ARAP3: variants seen among roughly 807,000 people sequenced by gnomAD.
The protein encoded by ARAP3 is ArfGAP with RhoGAP domain, ankyrin repeat and PH domain 3, also known as arf-GAP with Rho-GAP domain, ANK repeat and PH domain-containing protein 3.
In ARAP3, 82 loss-of-function variants were observed where a neutral mutation model predicts 169.2. That is an observed-to-expected ratio of 0.48 (90% confidence interval 0.41 to 0.58). ARAP3 has a LOEUF of 0.58. Among genes scored for constraint, ARAP3 ranks in the 20% least tolerant of loss-of-function variants. ARAP3 has a pLI of 0.00. For synonymous variants in ARAP3, 791 were observed against 800.3 expected (o/e 0.99, Z 0.20); for missense variants, 1,764 against 2,018.0 (o/e 0.87, Z 2.41).
At chr5:141,664,870 TCACCCCCACCCCC>T in intron 19 of ARAP3, 39 bp downstream of exon 19, 25 of 345,546 alleles carry the variant, frequency 7.2e-5, no homozygotes, top group Non-Finnish European at 1.4e-4. Flanking sequence ...CACCCCCTCA[TCACCCCCACCCCC>T]CACCCCCATT....
intron 4 of ARAP3, among the ~76,000 whole-genome samples, chr5:141,679,106 T>C (rs925250407): frequency 3.9e-5 from 6 of 152,068 alleles, no homozygotes; most frequent in Non-Finnish European, 1.5e-5. Flanking sequence ...CTGGCCAACA[T>C]GGCGAAACCC....
At chr5:141,665,756 C>T (rs578137132) in intron 17 of ARAP3, among the ~76,000 whole-genome samples, 26 of 152,064 alleles carry the variant, frequency 1.7e-4, no homozygotes, top group Admixed American at 2.0e-4. Flanking sequence ...ATAGACCGGG[C>T]GCAGTGGCTC....
In ARAP3 at chr5:141,680,091, GCTGGGCT is replaced by G. The variant is rs1457132359; in HGVS notation, c.389_395del (p.Glu130AlafsTer18). 1 of 1,613,552 alleles carries G rather than the reference GCTGGGCT, an allele frequency of 6.2e-7. No individual in the cohort carries two copies. Among genetic ancestry groups the G allele is most frequent in the African/African-American group, 1.3e-5 (1 of 74,894 alleles). ...AAGTGGGGAGAGGAGGAGGCCTTGGGCTGGGCTCTGGGCTCCTGGACACTCCTGGTCC... is the reference window on the plus strand; with the variant it reads ...AAGTGGGGAGAGGAGGAGGCCTTGGGCTGGGCTCCTGGACACTCCTGGTCC... On this transcript the variant is annotated frameshift_variant, in exon 2 of 33. Transcript: ENST00000239440. LOFTEE classifies it high-confidence loss of function.
At position 141,665,378 on chromosome 5, in the gene ARAP3, G is replaced by A. The variant is rs374754073; in HGVS notation, c.2573-4C>T. On this transcript the variant is annotated splice_region_variant and splice_polypyrimidine_tract_variant and intron_variant, in intron 17 of 32. Coordinates refer to ENST00000239440, the MANE Select transcript of ARAP3 (RefSeq NM_022481.6). The stretch of plus-strand genomic sequence containing the variant: ...GTGTCAGCTGCAGAAACCACACCTG[G>A]GAGGAGAATCAGTGGACATTTTCAT... 13 of 1,613,928 alleles carry A rather than the reference G, an allele frequency of 8.1e-6. No homozygotes were observed. The highest frequency in any genetic ancestry group is 3.3e-5 in the Admixed American group (2 of 59,998).
At position 141,670,518 on chromosome 5, in the gene ARAP3, G is replaced by A. The variant is rs775720602; in HGVS notation, c.2101C>T (p.Arg701Trp). ...TCCCTTGGCTCCCCCTCACCATCCC[G>A]GCCCCTGCGAGGGGGTGAGGGTCCA... ...KAGPSPPRRGRDAPPRLWCVL... is the reference protein window; with the variant it reads ...KAGPSPPRRGWDAPPRLWCVL... The change falls in exon 14 of 33, where the codon CGG (arginine) becomes TGG (tryptophan). Residue 701 changes from arginine (R) to tryptophan (W), a missense_variant. Physicochemically the swap from Arg to Trp is moderately radical, Grantham distance 101 (BLOSUM62 -3). This residue lies in a region of ARAP3 where 1,112 missense variants were observed against 1,285.7 expected (regional missense o/e 0.86). Coordinates refer to ENST00000239440, the MANE Select transcript of ARAP3 (RefSeq NM_022481.6). The A allele has an allele frequency of 3.3e-5, 54 of 1,613,584 alleles. No homozygotes were observed. The highest frequency in any genetic ancestry group is 6.7e-5 in the Admixed American group (4 of 59,982).
In ARAP3 at chr5:141,656,231, A is replaced by G; in HGVS notation, c.3835T>C (p.Tyr1279His). 6.2e-7 allele frequency: 1 copy of G among 1,614,176 alleles called. No individual in the cohort carries two copies. The highest frequency in any genetic ancestry group is 8.5e-7 in the Non-Finnish European group (1 of 1,180,036). ...REWPLEGAKVYLGIRKKLKPP... is the reference protein window; with the variant it reads ...REWPLEGAKVHLGIRKKLKPP... ...TTTAACTTCTTGCGGATTCCCAGGTAGACCTTGGCACCTTCCAAAGGCCAC... is the reference window on the plus strand; with the variant it reads ...TTTAACTTCTTGCGGATTCCCAGGTGGACCTTGGCACCTTCCAAAGGCCAC... Residue 1279 changes from tyrosine to histidine, a missense_variant, in exon 28 of 33, where the codon TAC (tyrosine) becomes CAC (histidine). By Grantham distance (83) the Tyr-to-His change is moderately conservative. This residue lies in a region of ARAP3 where 1,112 missense variants were observed against 1,285.7 expected (regional missense o/e 0.86). Transcript: ENST00000239440.
chr5:141,670,584 A>G lies in ARAP3; in HGVS notation c.2035T>C (p.Tyr679His), dbSNP rs2099911286. 1 of 1,614,074 alleles carries G rather than the reference A, an allele frequency of 6.2e-7. No individual in the cohort carries two copies. Among genetic ancestry groups the G allele is most frequent in the African/African-American group, 1.3e-5 (1 of 75,020 alleles). Residue 679 changes from tyrosine to histidine, a missense_variant, in exon 14 of 33, where the codon TAC becomes CAC. This residue lies in a region of ARAP3 where 1,112 missense variants were observed against 1,285.7 expected (regional missense o/e 0.86). Coordinates refer to ENST00000239440, the MANE Select transcript of ARAP3 (RefSeq NM_022481.6). The part of the protein sequence containing the change: ...VYNEVVVRAT[Y>H]SGFLYCSPVS... The stretch of plus-strand genomic sequence containing the variant: ...GGACTGCAGTACAGGAAGCCGCTGT[A>G]AGTAGCACGCACCACCACCTCATTG...
rs2099910423 is a variant in ARAP3, at chr5:141,664,800, C to G, written c.2800+122G>C. ...ACCAGCTGGGGTCCAGCTGCAGTTT[C>G]TGGAGGCAAAGCTCTTCCAGGCTGT... On this transcript the variant is annotated intron_variant, in intron 19 of 32. Coordinates refer to ENST00000239440, the MANE Select transcript of ARAP3 (RefSeq NM_022481.6). The G allele has an allele frequency of 4.0e-6, 5 of 1,260,636 alleles. No individual in the cohort carries two copies. In the South Asian group the frequency reaches 7.4e-5, roughly 19 times the overall value. 78.1% of individuals were successfully genotyped at this position (1,260,636 alleles called of 1,614,324 possible).
At chr5:141,655,324 G>T (rs777293917) in intron 32 of ARAP3, 38 bp downstream of exon 32, 2 of 1,562,198 alleles carry the variant, frequency 1.3e-6, no homozygotes, top group Non-Finnish European at 1.7e-6. Context: ...GGAATACAGG[G>T]TTGACAGGCA....
At chr5:141,674,451 T>A (rs2099911883) in intron 4 of ARAP3, among the ~76,000 whole-genome samples, 1 of 152,074 alleles carries the variant, frequency 6.6e-6, no homozygotes, top group Admixed American at 6.5e-5. Context: ...AGAGATGAGG[T>A]CTCGCTATGT....
chr5:141,670,174 A>G, intron 14 of ARAP3, 111 bp from the exon 15 acceptor site: 1 of 1,398,150 alleles, frequency 7.2e-7, no homozygotes, highest in Non-Finnish European at 9.6e-7. Flanking sequence ...ATATGATCCC[A>G]TGTAATCTTC....
rs1363038670 is a variant in ARAP3, at chr5:141,675,434, A to T, written c.699-1626T>A. On this transcript the variant is annotated intron_variant, in intron 4 of 32. Transcript: ENST00000239440. ...CCTAAAAAAAATAAAATAAAAAATA[A>T]AAAAGGCTGGGCGTGGTGGCTTATA... Among the ~76,000 whole-genome samples, 4 of 152,012 alleles carry T rather than the reference A, an allele frequency of 2.6e-5. No homozygotes were observed. The East Asian group carries it at 7.7e-4, about 29-fold the overall frequency.
At position 141,671,807 on chromosome 5, in the gene ARAP3, G is replaced by A. The variant is rs917015152; in HGVS notation, c.1672-55C>T. ...GACAGGAACTCAAGAGTCCTCAGATGTTCCATTCCTGTCCCCAGGCTGGCC... is the reference window on the plus strand; with the variant it reads ...GACAGGAACTCAAGAGTCCTCAGATATTCCATTCCTGTCCCCAGGCTGGCC... On this transcript the variant is annotated intron_variant, in intron 11 of 32. Transcript: ENST00000239440. The surrounding 1 kb of genome is among the most constrained non-coding windows in gnomAD (Gnocchi z 4.9). The A allele has an allele frequency of 6.2e-7, 1 of 1,607,046 alleles. No homozygotes were observed. The highest frequency in any genetic ancestry group is 8.5e-7 in the Non-Finnish European group (1 of 1,175,406).
chr5:141,656,078 T>C lies in ARAP3; in HGVS notation c.3894A>G (p.Leu1298=). The change falls in exon 29 of 33, where the codon CTA becomes CTG. Residue 1298 remains leucine, a synonymous_variant. Transcript: ENST00000239440. ...GAGGTACTCACAGGTGCATCTTCTC[T>C]AGTATCAATGTGAAGCCCCACCTGG... ...PPTPWGFTLI[L]EKMHLYLSCT... 2 of 1,614,072 alleles carry C rather than the reference T, an allele frequency of 1.2e-6. No homozygotes were observed. Among genetic ancestry groups the C allele is most frequent in the East Asian group, 2.2e-5 (1 of 44,860 alleles).
chr5:141,662,161 C>T lies in ARAP3; in HGVS notation c.2895G>A (p.Lys965=), dbSNP rs1479841603. 2 of 1,614,086 alleles carry T rather than the reference C, an allele frequency of 1.2e-6. No individual in the cohort carries two copies. Among genetic ancestry groups the T allele is most frequent in the African/African-American group, 1.3e-5 (1 of 74,916 alleles). ...AEFRRDARSV[K]LRPGEHFVED... is the part of the protein sequence containing the mutation. ...CCACAAAGTGCTCCCCTGGTCGGAGCTTCACCGACCGGGCATCCCGACGGA... is the reference window on the plus strand; with the variant it reads ...CCACAAAGTGCTCCCCTGGTCGGAGTTTCACCGACCGGGCATCCCGACGGA... Residue 965 remains lysine (K), a synonymous_variant, in exon 20 of 33, where the codon AAG becomes AAA. Coordinates refer to ENST00000239440, the MANE Select transcript of ARAP3 (RefSeq NM_022481.6).
In ARAP3 at chr5:141,666,428, C is replaced by T. The variant is rs2099910648; in HGVS notation, c.2568G>A (p.Glu856=). ...CCCCCAAACCTCCCCGCTTACTGAT[C>T]TCCTGTAGCCGCCGCAGATGCACCA... The part of the protein sequence containing the change: ...EDMVHLRRLQ[E]ISVVSAADTP... The change falls in exon 17 of 33, where the codon GAG becomes GAA. Residue 856 remains glutamate, a synonymous_variant. Transcript: ENST00000239440. 6.4e-7 allele frequency: 1 copy of T among 1,569,962 alleles called. No individual in the cohort carries two copies. The highest frequency in any genetic ancestry group is 1.8e-5 in the Admixed American group (1 of 54,518).
rs2099911483 is a variant in ARAP3 at position 141,671,772 on chromosome 5, A to G, written c.1672-20T>C. ...GAATAACTGTGGGATGACAAGGGAC[A>G]AAGGCAGGTGACAGGAACTCAAGAG... On this transcript the variant is annotated intron_variant, in intron 11 of 32. Coordinates refer to ENST00000239440, the MANE Select transcript of ARAP3 (RefSeq NM_022481.6). The surrounding 1 kb of genome is among the most constrained non-coding windows in gnomAD (Gnocchi z 4.9). The G allele has an allele frequency of 2.5e-6, 4 of 1,597,226 alleles. No homozygotes were observed. The highest frequency in any genetic ancestry group is 3.4e-6 in the Non-Finnish European group (4 of 1,170,354).
chr5:141,677,829 G>A (rs2099912401), intron 4 of ARAP3, among the ~76,000 whole-genome samples: 1 of 152,056 alleles, frequency 6.6e-6, no homozygotes, highest in Non-Finnish European at 1.5e-5. Flanking sequence ...CGGTTGTCCA[G>A]GATGGAGGGC....
chr5:141,655,655 C>A lies in ARAP3; in HGVS notation c.4076G>T (p.Ser1359Ile). The change falls in exon 31 of 33, where the codon AGT becomes ATT. Residue 1359 changes from serine to isoleucine, a missense_variant. Coordinates refer to ENST00000239440, the MANE Select transcript of ARAP3 (RefSeq NM_022481.6). ...ATTGGCAGAGAGGAGGGTGGCTCCA[C>A]TGTCATCCCCACGGATAGGCAGCAA... Reference protein sequence around the residue: ...MPLLPIRGDDSGATLLSANQT... With the variant: ...MPLLPIRGDDIGATLLSANQT... 1 of 1,614,178 alleles carries A rather than the reference C, an allele frequency of 6.2e-7. No individual in the cohort carries two copies. The highest frequency in any genetic ancestry group is 8.5e-7 in the Non-Finnish European group (1 of 1,180,038).
Sources: allele counts gnomAD v4.1 joint callset (sites outside exome capture counted in the v4.1 genomes callset), GRCh38; gene constraint gnomAD v4.1.1; regional missense constraint gnomAD v4.1.1; non-coding constraint Gnocchi (gnomAD v3.1); transcripts MANE v1.5; gene names NCBI Gene and HGNC (gene_info 2026-07-23, HGNC 2026-07-21).